The following LUC7L2 variants were observed in gnomAD, a reference collection of about 807,000 sequenced individuals.
LUC7L2 encodes the protein putative RNA-binding protein Luc7-like 2.
In LUC7L2, 25 loss-of-function variants were observed where a neutral mutation model predicts 52.8. That is an observed-to-expected ratio of 0.47 (90% CI 0.34 to 0.66). The LOEUF is 0.66. LUC7L2 is among the 30% of genes least tolerant of loss of function. LUC7L2 has a pLI of 0.01. For synonymous variants in LUC7L2, 144 were observed against 160.9 expected (o/e 0.89, Z 0.80); for missense variants, 328 against 497.8 (o/e 0.66, Z 3.25).
At chr7:139,409,475 A>G in intron 6 of LUC7L2, 88 bp from the exon 7 acceptor site, 2 of 1,475,936 alleles carry the variant, frequency 1.4e-6, no homozygotes, top group African/African-American at 1.4e-5. Flanking sequence ...GTTGTACTGT[A>G]TTAGAAACCA....
At chr7:139,375,915 A>G (rs1585088930) in intron 1 of LUC7L2, 147 bp from the exon 2 acceptor site, 12 of 724,624 alleles carry the variant, frequency 1.7e-5, no homozygotes, top group African/African-American at 3.6e-5. Flanking sequence ...TAGTTTTTCT[A>G]TAGGATGTAT....
At chr7:139,385,907 C>A (rs1325948955) in intron 2 of LUC7L2, among the ~76,000 whole-genome samples, 1 of 152,082 alleles carries the variant, frequency 6.6e-6, no homozygotes, top group Admixed American at 6.6e-5. Context: ...GTGTTCTCCG[C>A]AACTATTTGT....
intron 2 of LUC7L2, among the ~76,000 whole-genome samples, chr7:139,377,180 A>G (rs1056412057): frequency 6.6e-6 from 1 of 152,168 alleles, no homozygotes; most frequent in African/African-American, 2.4e-5. Flanking sequence ...GATAATAAAT[A>G]TAATAAACTC....
In LUC7L2 at chr7:139,407,147, G is replaced by T. The variant is rs541210044; in HGVS notation, c.511-27G>T. The T allele has an allele frequency of 5.0e-6, 8 of 1,595,200 alleles. No individual in the cohort carries two copies. The African/African-American group carries it at 8.1e-5, about 16-fold the overall frequency. On this transcript the variant is annotated intron_variant, in intron 5 of 9. Coordinates refer to ENST00000354926, the MANE Select transcript of LUC7L2 (RefSeq NM_016019.5). ...TATGACTTTTAGTGAGATTTATATG[G>T]TCATTGTTTTTCTCACTTTTGTTTA...
chr7:139,375,676 AC>A, intron 1 of LUC7L2: 1 of 932,564 alleles, frequency 1.1e-6, no homozygotes, highest in Non-Finnish European at 1.3e-6. Context: ...AACATTGTAT[AC>A]CAGTATAAAC....
rs995388496 is a variant in LUC7L2 at position 139,368,669 on chromosome 7, C to T, written c.62-7393C>T. Among the ~76,000 whole-genome samples the T allele has an allele frequency of 5.3e-4, 78 of 146,208 alleles. 1 individual carries two copies. The highest frequency in any genetic ancestry group is 4.0e-3 in the Admixed American group (58 of 14,570). On this transcript the variant is annotated intron_variant, in intron 1 of 9. Transcript: ENST00000354926. ...TGGAGAATTGTTTGAACCCAGGAGA[C>T]GGAGGTTGCTGTGAGCCCACATGGT...
At chr7:139,395,561 G>A (rs1794623938) in intron 2 of LUC7L2, among the ~76,000 whole-genome samples, 1 of 152,108 alleles carries the variant, frequency 6.6e-6, no homozygotes, top group Non-Finnish European at 1.5e-5. Context: ...GGATAACTGG[G>A]GGCAGAATTT....
intron 8 of LUC7L2, chr7:139,412,828 A>T (rs1233160609): frequency 4.9e-5 from 3 of 61,694 alleles, no homozygotes; most frequent in Non-Finnish European, 8.3e-5. Flanking sequence ...CTGTCTTTAA[A>T]AAAAAAAAAA....
At chr7:139,385,893 A>G (rs1251953146) in intron 2 of LUC7L2, among the ~76,000 whole-genome samples, 1 of 152,258 alleles carries the variant, frequency 6.6e-6, no homozygotes, top group East Asian at 1.9e-4. Flanking sequence ...CTAAGGAAAC[A>G]AGTGTGTTCT....
chr7:139,401,460 A>C (rs1477565030), intron 3 of LUC7L2, among the ~76,000 whole-genome samples: 2 of 151,916 alleles, frequency 1.3e-5, no homozygotes, highest in Non-Finnish European at 2.9e-5. Flanking sequence ...CATGTCCTCA[A>C]GTGATTTTTT....
intron 2 of LUC7L2, among the ~76,000 whole-genome samples, chr7:139,388,947 T>C (rs1794315088): frequency 6.6e-6 from 1 of 152,168 alleles, no homozygotes; most frequent in Non-Finnish European, 1.5e-5. Flanking sequence ...GCCATTAGCT[T>C]ATGATCTTAG....
chr7:139,353,893 T>C (rs1799532172), intron 1 of LUC7L2, among the ~76,000 whole-genome samples: 1 of 151,930 alleles, frequency 6.6e-6, no homozygotes, highest in African/African-American at 2.4e-5. Flanking sequence ...GGCAGGCGGA[T>C]TGCCTGAGCT....
chr7:139,380,726 A>G (rs944221576), intron 2 of LUC7L2, among the ~76,000 whole-genome samples: 2 of 152,212 alleles, frequency 1.3e-5, no homozygotes, highest in African/African-American at 4.8e-5. Flanking sequence ...TGTAGGCAGT[A>G]TGCCCTTTCA....
At chr7:139,382,380 C>T (rs1256131175) in intron 2 of LUC7L2, among the ~76,000 whole-genome samples, 1 of 151,002 alleles carries the variant, frequency 6.6e-6, no homozygotes, top group East Asian at 2.0e-4. Context: ...TTGTCACAGT[C>T]TTTATTTATT....
chr7:139,369,998 TG>T (rs1800359833), intron 1 of LUC7L2, among the ~76,000 whole-genome samples: 1 of 152,216 alleles, frequency 6.6e-6, no homozygotes, highest in Non-Finnish European at 1.5e-5. Context: ...CTGTCATAAT[TG>T]TTTTTTCCCG....
intron 9 of LUC7L2, among the ~76,000 whole-genome samples, chr7:139,420,573 G>A (rs1795853102): frequency 6.6e-6 from 1 of 152,136 alleles, no homozygotes; most frequent in African/African-American, 2.4e-5. Context: ...AAGAATACCT[G>A]CTTTGTTAAG....
chr7:139,378,416 A>T (rs533249704), intron 2 of LUC7L2, among the ~76,000 whole-genome samples: 67 of 150,022 alleles, frequency 4.5e-4, no homozygotes, highest in African/African-American at 1.6e-3. Flanking sequence ...AAAAAGAATT[A>T]AAAAAAAAAT....
intron 8 of LUC7L2, among the ~76,000 whole-genome samples, chr7:139,413,871 G>A (rs771975029): frequency 6.6e-5 from 10 of 152,174 alleles, no homozygotes; most frequent in Non-Finnish European, 1.5e-4. Context: ...ACATTAATAA[G>A]TGGGGCCAGT....
chr7:139,416,173 A>C (rs1585136477), intron 8 of LUC7L2: 1 of 148,650 alleles, frequency 6.7e-6, no homozygotes, highest in Non-Finnish European at 1.5e-5. Context: ...CATTTCCATC[A>C]TTCTTAAAGT....
Sources: gnomAD v4.1 joint callset for allele counts (sites outside exome capture counted in the v4.1 genomes callset) on GRCh38, gnomAD v4.1.1 for gene constraint, MANE v1.5 for transcripts, NCBI Gene and HGNC (gene_info 2026-07-23, HGNC 2026-07-21) for gene names.